NFATC3: variants seen among roughly 807,000 people sequenced by gnomAD.
The protein encoded by NFATC3 is nuclear factor of activated T-cells, cytoplasmic 3.
A neutral mutation model predicts 98.6 loss-of-function variants in NFATC3; 46 were observed. That is an observed-to-expected ratio of 0.47 (90% CI 0.37 to 0.60). The LOEUF is 0.60. Ranked by LOEUF, NFATC3 falls within the 20% of genes least tolerant of loss-of-function variation. The pLI is 0.00. For synonymous variants in NFATC3, 512 were observed against 472.2 expected, an observed-to-expected ratio of 1.08 and a Z score of -1.09; for missense variants, 1,256 against 1,295.5, an observed-to-expected ratio of 0.97 and a Z score of 0.47.
intron 3 of NFATC3, among the ~76,000 whole-genome samples, chr16:68,137,432 T>G (rs2037482111): frequency 6.6e-6 from 1 of 152,104 alleles, no homozygotes; most frequent in South Asian, 2.1e-4. Flanking sequence ...CGGTCTGTCA[T>G]TTACCGAACC....
intron 3 of NFATC3, among the ~76,000 whole-genome samples, chr16:68,140,797 A>G (rs1297046080): frequency 1.3e-5 from 2 of 152,192 alleles, no homozygotes; most frequent in Non-Finnish European, 2.9e-5. Context: ...TGAATTATTT[A>G]TATATTTTAT....
intron 7 of NFATC3, 62 bp from the exon 8 acceptor site, chr16:68,183,178 G>GT (rs2040019731): frequency 6.6e-7 from 1 of 1,521,350 alleles, no homozygotes; most frequent in African/African-American, 1.4e-5. Context: ...GTTGTGATGT[G>GT]TTTAACAGGT....
At chr16:68,201,025 G>A (rs2040890398) in intron 9 of NFATC3, 2 of 152,062 alleles carry the variant, frequency 1.3e-5, no homozygotes, top group Admixed American at 1.3e-4. Flanking sequence ...TCTGCCTACT[G>A]GGTTCAAACG....
chr16:68,089,999 AT>A (rs1303535690), intron 1 of NFATC3, among the ~76,000 whole-genome samples: 1 of 152,066 alleles, frequency 6.6e-6, no homozygotes, highest in Non-Finnish European at 1.5e-5. Flanking sequence ...GATATGTGTA[AT>A]TTTTTTCAGA....
chr16:68,199,405 T>C (rs2040815146), intron 9 of NFATC3, among the ~76,000 whole-genome samples: 1 of 145,670 alleles, frequency 6.9e-6, no homozygotes, highest in Non-Finnish European at 1.5e-5. Context: ...TTGTATTTTT[T>C]AGTAGAGGCG....
Position 68,122,436 on chromosome 16 carries a change from C to G in NFATC3, c.553C>G (p.Leu185Val). ...WFSDASSCES[L>V]SHIYDDVDSE... ...CTCTGATGCATCTTCTTGTGAATCG[C>G]TTTCACATATTTATGATGATGTGGA... Residue 185 changes from leucine to valine, a missense_variant, in exon 2 of 10, where the codon CTT becomes GTT. Coordinates refer to ENST00000346183, the MANE Select transcript of NFATC3 (RefSeq NM_173165.3). 1 of 1,614,086 alleles carries G rather than the reference C, an allele frequency of 6.2e-7. No individual in the cohort carries two copies. Among genetic ancestry groups the G allele is most frequent in the Admixed American group, 1.7e-5 (1 of 60,012 alleles).
intron 1 of NFATC3, among the ~76,000 whole-genome samples, chr16:68,111,755 T>C (rs377403437): frequency 9.9e-5 from 15 of 152,248 alleles, no homozygotes; most frequent in African/African-American, 2.4e-4. Context: ...TTGTAGTGGC[T>C]GATAATGGTT....
chr16:68,213,515 A>G (rs189845396), intron 9 of NFATC3, among the ~76,000 whole-genome samples: 3 of 152,124 alleles, frequency 2.0e-5, no homozygotes, highest in Admixed American at 1.3e-4. Flanking sequence ...TTTCTAATGG[A>G]TGTGAACTTT....
At chr16:68,219,628 A>G (rs910632476) in intron 9 of NFATC3, among the ~76,000 whole-genome samples, 1 of 152,200 alleles carries the variant, frequency 6.6e-6, no homozygotes, top group Non-Finnish European at 1.5e-5. Flanking sequence ...TACCCAGGGG[A>G]TGAATACCTT....
At chr16:68,167,810 C>CTTTTTTT (rs35302776) in intron 5 of NFATC3, among the ~76,000 whole-genome samples, 370 of 23,908 alleles carry the variant, frequency 0.015, 143 homozygotes, top group Non-Finnish European at 0.028. Context: ...CGTATGTGTT[C>CTTTTTTT]TTTTTTTTTT....
intron 1 of NFATC3, among the ~76,000 whole-genome samples, chr16:68,097,332 G>A (rs919368316): frequency 2.6e-5 from 4 of 152,230 alleles, no homozygotes; most frequent in Middle Eastern, 3.2e-3. Context: ...AAAATACAAA[G>A]TGCAAAGTAT....
At chr16:68,207,664 A>T (rs1174775738) in intron 9 of NFATC3, among the ~76,000 whole-genome samples, 1 of 152,112 alleles carries the variant, frequency 6.6e-6, no homozygotes, top group Non-Finnish European at 1.5e-5. Context: ...GGGTTTCACC[A>T]TGTTGGCCAC....
At chr16:68,149,008 A>AG (rs1306456578) in intron 3 of NFATC3, among the ~76,000 whole-genome samples, 2 of 152,136 alleles carry the variant, frequency 1.3e-5, no homozygotes, top group Admixed American at 1.3e-4. Flanking sequence ...AAGAAAAAAA[A>AG]ATTAAATTGA....
At position 68,192,230 on chromosome 16, in the gene NFATC3, A is replaced by AAATATATATATATATAT. The variant is rs1555522047; in HGVS notation, c.3106+456_3106+457insATATATATATATATATA. 7.3e-5 allele frequency: 6 copies of AAATATATATATATATAT among 82,578 alleles called. 1 individual carries two copies. The highest frequency in any genetic ancestry group is 3.4e-4 in the African/African-American group (6 of 17,438). 5.1% of individuals were successfully genotyped at this position (82,578 alleles called of 1,614,324 possible). On this transcript the variant is annotated intron_variant, in intron 9 of 9. Coordinates refer to ENST00000346183, the MANE Select transcript of NFATC3 (RefSeq NM_173165.3). ...CTCGGGAAAAAAAAAAAAAAAAAAA[A>AAATATATATATATATAT]ATATATATATATATATATATATATG...
At chr16:68,112,293 T>TA (rs2035993272) in intron 1 of NFATC3, among the ~76,000 whole-genome samples, 2 of 144,576 alleles carry the variant, frequency 1.4e-5, no homozygotes, top group African/African-American at 5.2e-5. Flanking sequence ...TTTTTTTTTT[T>TA]TTGAGATGGA....
chr16:68,161,393 GTTAC>G (rs963060566), intron 4 of NFATC3, among the ~76,000 whole-genome samples: 1 of 152,184 alleles, frequency 6.6e-6, no homozygotes, highest in African/African-American at 2.4e-5. Context: ...AGTTTATTCT[GTTAC>G]TTAACTTGGC....
intron 9 of NFATC3, among the ~76,000 whole-genome samples, chr16:68,223,467 A>G (rs1394970132): frequency 6.6e-6 from 1 of 152,222 alleles, no homozygotes; most frequent in East Asian, 1.9e-4. Context: ...TAATGCCAAA[A>G]ACCACAATTA....
chr16:68,110,485 T>C (rs983277631), intron 1 of NFATC3, among the ~76,000 whole-genome samples: 2 of 151,768 alleles, frequency 1.3e-5, no homozygotes, highest in African/African-American at 4.8e-5. Flanking sequence ...ATTTTTTTTG[T>C]ATTTTTTTTT....
intron 1 of NFATC3, among the ~76,000 whole-genome samples, chr16:68,115,444 G>A (rs887951447): frequency 2.0e-5 from 3 of 151,450 alleles, no homozygotes; most frequent in African/African-American, 4.9e-5. Flanking sequence ...TTTGAGAGAC[G>A]GAGTCTTGCT....
Sources: allele counts gnomAD v4.1 joint callset (sites outside exome capture counted in the v4.1 genomes callset), GRCh38; gene constraint gnomAD v4.1.1; transcripts MANE v1.5; gene names NCBI Gene and HGNC (gene_info 2026-07-23, HGNC 2026-07-21).